Variants in GRK4 observed in about 807,000 individuals in gnomAD.
GRK4 encodes G protein-coupled receptor kinase 4, also known as G protein-coupled receptor kinase 2-like.
Under a neutral mutation model 77.9 loss-of-function variants are expected in GRK4, and 73 were observed. That is an observed-to-expected ratio of 0.94 (90% confidence interval 0.78 to 1.14). The LOEUF (loss-of-function observed/expected upper bound fraction) is 1.14, where lower values mean the gene tolerates loss of function less well. Ranked by LOEUF, GRK4 falls within the 50% of genes most tolerant of loss-of-function variation. The pLI, the probability that GRK4 is intolerant of heterozygous loss-of-function variation, is 0.00. For synonymous variants in GRK4, 257 were observed against 254.4 expected, an observed-to-expected ratio of 1.01 and a Z score of -0.10; for missense variants, 729 against 700.2, an observed-to-expected ratio of 1.04 and a Z score of -0.46.
intron 4 of GRK4, among the ~76,000 whole-genome samples, chr4:2,999,072 C>G (rs1670802119): frequency 1.3e-5 from 2 of 152,118 alleles, no homozygotes; most frequent in South Asian, 4.1e-4. Flanking sequence ...TGCATTTTGT[C>G]TTAGTCCATT....
At chr4:3,026,175 T>A (rs541109683) in intron 10 of GRK4, among the ~76,000 whole-genome samples, 1 of 152,342 alleles carries the variant, frequency 6.6e-6, no homozygotes, top group African/African-American at 2.4e-5. Flanking sequence ...ATTTGTCAGA[T>A]ATTGCCAGAT....
rs1726410244 is a variant in GRK4, at chr4:2,992,219, A to C, written c.266A>C (p.Glu89Ala). ...TTCTTCCATCTCTCCAATCAGGCAG[A>C]ATATGAAGTTGCCGATGATGAGGAC... is the stretch of plus-strand genomic sequence containing the variant. Reference protein sequence around the residue: ...RHIEFLDAVAEYEVADDEDRS... With the variant: ...RHIEFLDAVAAYEVADDEDRS... Residue 89 changes from glutamate to alanine, a missense_variant, in exon 4 of 16, where the codon GAA (glutamate) becomes GCA (alanine). Transcript: ENST00000398052. 6.2e-7 allele frequency: 1 copy of C among 1,606,886 alleles called. No homozygotes were observed. The highest frequency in any genetic ancestry group is 8.5e-7 in the Non-Finnish European group (1 of 1,173,848).
intron 2 of GRK4, chr4:2,987,274 C>A: frequency 5.7e-6 from 2 of 348,300 alleles, no homozygotes; most frequent in South Asian, 4.5e-5. Context: ...GTACTTCATC[C>A]TTTTTTGTTG....
In GRK4 at chr4:3,031,989, C is replaced by T. The variant is rs767124034; in HGVS notation, c.1269+2580C>T. Among the ~76,000 whole-genome samples the T allele has an allele frequency of 4.8e-4, 73 of 152,220 alleles. 1 individual carries two copies. The highest frequency in any genetic ancestry group is 4.2e-4 in the South Asian group (2 of 4,814). On this transcript the variant is annotated intron_variant, in intron 12 of 15. Transcript: ENST00000398052. ...TATGAAGCCATGGGTGCTACAGGCT[C>T]GTCCTGGAGCCAGGGGTCAGCCTGG...
intron 5 of GRK4, among the ~76,000 whole-genome samples, chr4:3,005,740 G>A (rs1209921314): frequency 6.6e-6 from 1 of 151,982 alleles, no homozygotes; most frequent in Non-Finnish European, 1.5e-5. Context: ...GGAGGTGGAG[G>A]CTGCAATGAG....
At chr4:3,022,851 T>G (rs1736464132) in intron 10 of GRK4, among the ~76,000 whole-genome samples, 1 of 152,152 alleles carries the variant, frequency 6.6e-6, no homozygotes, top group South Asian at 2.1e-4. Flanking sequence ...CATGCTTGGC[T>G]AATTTTTAAA....
chr4:2,985,984 CAAA>C (rs1181104072), intron 2 of GRK4, among the ~76,000 whole-genome samples: 4 of 91,694 alleles, frequency 4.4e-5, no homozygotes, highest in Non-Finnish European at 6.8e-5. Context: ...GACTCCGTCT[CAAA>C]AAAAAAAAAA....
At chr4:3,026,695 C>G (rs1268826677) in intron 10 of GRK4, among the ~76,000 whole-genome samples, 1 of 152,256 alleles carries the variant, frequency 6.6e-6, no homozygotes, top group Non-Finnish European at 1.5e-5. Flanking sequence ...TGGGTCTGTG[C>G]TCCTCACCCC....
At chr4:3,023,244 C>T (rs554734098) in intron 10 of GRK4, among the ~76,000 whole-genome samples, 1 of 152,306 alleles carries the variant, frequency 6.6e-6, no homozygotes, top group Non-Finnish European at 1.5e-5. Flanking sequence ...GTGCACACTC[C>T]ACCTTGGTTC....
chr4:2,985,012 G>C (rs972339444), intron 2 of GRK4, among the ~76,000 whole-genome samples: 3 of 152,106 alleles, frequency 2.0e-5, no homozygotes, highest in African/African-American at 7.2e-5. Flanking sequence ...TGAAGAAAAA[G>C]TAAAAATTCC....
intron 6 of GRK4, 71 bp downstream of exon 6, chr4:3,007,899 A>T: frequency 9.9e-7 from 1 of 1,005,644 alleles, no homozygotes; most frequent in Non-Finnish European, 1.5e-6. Flanking sequence ...GCTACTCAGG[A>T]GGCTGAGGCT....
chr4:2,972,387 A>G (rs940644606), intron 1 of GRK4, among the ~76,000 whole-genome samples: 4 of 152,116 alleles, frequency 2.6e-5, no homozygotes, highest in African/African-American at 9.7e-5. Context: ...ACCTTTGAGT[A>G]TGACCGGGCC....
At chr4:2,996,566 AAATGCCTCTTAATGGTCC>A (rs1261767059) in intron 4 of GRK4, among the ~76,000 whole-genome samples, 1 of 152,092 alleles carries the variant, frequency 6.6e-6, no homozygotes, top group African/African-American at 2.4e-5. Context: ...GGAAAAAAAA[AAATGCCTCTTAATGGTCC>A]TACCTCCCAA....
In GRK4 at chr4:2,984,623, C is replaced by T; in HGVS notation, c.148+15C>T. ...ACATTCCATTGGTGAGTAAATAGTG[C>T]CTACTAATGCTTGGATGGTACATCT... On this transcript the variant is annotated intron_variant, in intron 2 of 15. Transcript: ENST00000398052. 7.1e-7 allele frequency: 1 copy of T among 1,402,570 alleles called. No homozygotes were observed. Among genetic ancestry groups the T allele is most frequent in the Non-Finnish European group, 1.0e-6 (1 of 1,000,102 alleles). 86.9% of individuals were successfully genotyped at this position (1,402,570 alleles called of 1,614,324 possible).
intron 12 of GRK4, 131 bp from the exon 13 acceptor site, chr4:3,035,255 A>G: frequency 1.0e-6 from 1 of 985,330 alleles, no homozygotes; most frequent in Non-Finnish European, 1.6e-6. Flanking sequence ...AAAAAAAGAA[A>G]AAAAAAGAAA....
intron 10 of GRK4, 76 bp from the exon 11 acceptor site, chr4:3,027,836 T>C: frequency 8.0e-7 from 1 of 1,256,060 alleles, no homozygotes; most frequent in African/African-American, 1.5e-5. Flanking sequence ...TGAGGGGCCT[T>C]TTTTCCCATT....
At chr4:2,982,941 G>GA (rs1393866598) in intron 1 of GRK4, among the ~76,000 whole-genome samples, 1 of 152,164 alleles carries the variant, frequency 6.6e-6, no homozygotes, top group Admixed American at 6.5e-5. Context: ...TTAACAGAAA[G>GA]AAAAAATGTG....
At chr4:2,984,342 T>G (rs1723643563) in intron 1 of GRK4, among the ~76,000 whole-genome samples, 171 bp from the exon 2 acceptor site, 1 of 152,206 alleles carries the variant, frequency 6.6e-6, no homozygotes, top group South Asian at 2.1e-4. Context: ...AATTTTATAC[T>G]TCATCAAGCA....
intron 4 of GRK4, among the ~76,000 whole-genome samples, chr4:3,001,211 G>GTATATATATGTATATATGTGTATGTGTA (rs1729591527): frequency 1.5e-5 from 2 of 131,806 alleles, no homozygotes; most frequent in African/African-American, 6.0e-5. Flanking sequence ...ATGTGTATGT[G>GTATATATATGTATATATGTGTATGTGTA]TATATATATG....
Sources: gnomAD v4.1 joint callset for allele counts (sites outside exome capture counted in the v4.1 genomes callset) on GRCh38, gnomAD v4.1.1 for gene constraint, MANE v1.5 for transcripts, NCBI Gene and HGNC (gene_info 2026-07-23, HGNC 2026-07-21) for gene names.